Variants in MARCHF10 observed in about 807,000 individuals in gnomAD.
The protein encoded by MARCHF10 is probable E3 ubiquitin-protein ligase MARCHF10.
MARCHF10 carries 64 observed loss-of-function variants against 76.2 expected under a neutral mutation model. The ratio of observed to expected loss-of-function variants is 0.84; its 90% confidence interval spans 0.69 to 1.03. The LOEUF is 1.03. Among genes scored for constraint, MARCHF10 ranks in the 50% least tolerant of loss-of-function variants. The pLI, the probability that MARCHF10 is intolerant of heterozygous loss-of-function variation, is 0.00. For missense variants in MARCHF10, 875 were observed against 958.0 expected (o/e 0.91, Z 1.14); for synonymous variants, 340 against 357.5 (o/e 0.95, Z 0.55).
chr17:62,760,170 G>A (rs942653039), intron 3 of MARCHF10, among the ~76,000 whole-genome samples, 164 bp from the exon 4 acceptor site: 2 of 152,106 alleles, frequency 1.3e-5, no homozygotes, highest in African/African-American at 4.8e-5. Flanking sequence ...AGATGGACTG[G>A]GCAGAGCAAC....
rs754019323 is a variant in MARCHF10, at chr17:62,744,495, C to T, written c.416G>A (p.Arg139Lys). Residue 139 changes from arginine to lysine, a missense_variant, in exon 5 of 11, where the codon AGG becomes AAG. Coordinates refer to ENST00000311269, the MANE Select transcript of MARCHF10 (RefSeq NM_152598.4). Reference sequence around the variant, plus strand: ...TGTAAATCTCCTCAGGTTTGGCTTCCTCTTTCTTAATAAAACCATTGGTGC... The same window carrying T: ...TGTAAATCTCCTCAGGTTTGGCTTCTTCTTTCTTAATAAAACCATTGGTGC... ...DQAPMVLLRK[R>K]KPNLRRFTVS... The T allele has an allele frequency of 1.9e-6, 3 of 1,614,052 alleles. No homozygotes were observed. The highest frequency in any genetic ancestry group is 4.5e-5 in the East Asian group (2 of 44,894).
chr17:62,787,839 C>T (rs563508431), intron 3 of MARCHF10, among the ~76,000 whole-genome samples: 53 of 152,106 alleles, frequency 3.5e-4, no homozygotes, highest in South Asian at 2.1e-4. Flanking sequence ...TAAAGTGCTT[C>T]GTATAGTGCC....
At chr17:62,705,405 A>G in intron 10 of MARCHF10, 134 bp downstream of exon 10, 4 of 1,559,654 alleles carry the variant, frequency 2.6e-6, no homozygotes, top group Non-Finnish European at 3.5e-6. Context: ...GACTTTCCCA[A>G]GCTTTGCGGG....
Position 62,762,712 on chromosome 17 carries a change from A to C in MARCHF10, c.211-2706T>G, listed in dbSNP as rs185090795. ...CAGGCACACGCACCATGCCTGGCTA[A>C]TTTTCTGTATTTTAGTAGAGATGGG... is the stretch of plus-strand genomic sequence containing the variant. On this transcript the variant is annotated intron_variant, in intron 3 of 10. Transcript: ENST00000311269. Among the ~76,000 whole-genome samples the C allele has an allele frequency of 1.8e-3, 279 of 152,158 alleles. 2 individuals carry two copies. Among genetic ancestry groups the C allele is most frequent in the Non-Finnish European group, 3.2e-3 (218 of 67,992 alleles).
chr17:62,793,451 TCAC>T (rs1198602460), intron 2 of MARCHF10, among the ~76,000 whole-genome samples: 2 of 47,624 alleles, frequency 4.2e-5, no homozygotes, highest in East Asian at 9.3e-4. Context: ...ATCACCACCA[TCAC>T]CACCACCATC....
intron 3 of MARCHF10, among the ~76,000 whole-genome samples, chr17:62,768,588 T>C (rs2092384299): frequency 6.6e-6 from 1 of 152,234 alleles, no homozygotes; most frequent in Admixed American, 6.5e-5. Flanking sequence ...TTTCTAGAAC[T>C]GTTTTCAACT....
At chr17:62,751,845 A>G (rs1239519296) in intron 4 of MARCHF10, among the ~76,000 whole-genome samples, 1 of 152,088 alleles carries the variant, frequency 6.6e-6, no homozygotes, top group East Asian at 1.9e-4. Flanking sequence ...ACAGGGAGAA[A>G]CCCCATCTCT....
intron 3 of MARCHF10, among the ~76,000 whole-genome samples, chr17:62,775,656 T>A (rs1166521676): frequency 2.0e-5 from 3 of 151,932 alleles, no homozygotes; most frequent in African/African-American, 7.2e-5. Context: ...GTATTATAAT[T>A]TCTGAATGAA....
At chr17:62,780,541 G>T (rs1304234437) in intron 3 of MARCHF10, among the ~76,000 whole-genome samples, 3 of 152,272 alleles carry the variant, frequency 2.0e-5, no homozygotes, top group Non-Finnish European at 4.4e-5. Context: ...TCGGTATCAG[G>T]TTCACTGCCT....
chr17:62,781,015 GT>G (rs2092649226), intron 3 of MARCHF10: 1 of 152,130 alleles, frequency 6.6e-6, no homozygotes, highest in African/African-American at 2.4e-5. Flanking sequence ...AAGGAGGGGC[GT>G]TGCTTTCTCC....
intron 3 of MARCHF10, among the ~76,000 whole-genome samples, chr17:62,771,820 G>A (rs1217266987): frequency 3.3e-5 from 5 of 151,934 alleles, no homozygotes; most frequent in Non-Finnish European, 5.9e-5. Flanking sequence ...CAACTGATCT[G>A]CCAGCCTCGG....
At chr17:62,705,206 AC>A (rs1250640515) in intron 10 of MARCHF10, 71 of 1,251,838 alleles carry the variant, frequency 5.7e-5, no homozygotes, top group Non-Finnish European at 6.6e-5. Context: ...AAAAAAACCA[AC>A]CCCCAAACTC....
chr17:62,738,099 C>CACACACACACACACA lies in MARCHF10; in HGVS notation c.536-768_536-767insTGTGTGTGTGTGTGT. ...ACACACACACACACACACACACACA[C>CACACACACACACACA]AACTTAAGCCTCACAACCCTGTGAA... is the stretch of plus-strand genomic sequence containing the variant. On this transcript the variant is annotated intron_variant, in intron 5 of 10. Transcript: ENST00000311269. The surrounding 1 kb of genome is among the most constrained non-coding windows in gnomAD (Gnocchi z 4.0). 6.6e-6 allele frequency among the ~76,000 whole-genome samples: 1 copy of CACACACACACACACA among 151,258 alleles called. No homozygotes were observed. Among genetic ancestry groups the CACACACACACACACA allele is most frequent in the African/African-American group, 2.4e-5 (1 of 41,226 alleles).
intron 3 of MARCHF10, among the ~76,000 whole-genome samples, chr17:62,771,478 C>A (rs1171159110): frequency 6.6e-6 from 1 of 151,846 alleles, no homozygotes; most frequent in Non-Finnish European, 1.5e-5. Flanking sequence ...CTCGCAGGGC[C>A]TCGTTGGTTA....
At chr17:62,745,768 T>C (rs73335755) in intron 4 of MARCHF10, among the ~76,000 whole-genome samples, 1,970 of 152,302 alleles carry the variant, frequency 0.013, 49 homozygotes, top group African/African-American at 0.044. Context: ...TGCTAATTGA[T>C]ACAGTTTTGA....
intron 3 of MARCHF10, among the ~76,000 whole-genome samples, chr17:62,786,547 G>A (rs1306906821): frequency 6.6e-6 from 1 of 152,062 alleles, no homozygotes; most frequent in East Asian, 1.9e-4. Context: ...AAAATGTTGT[G>A]TTGAGTGGGG....
At chr17:62,719,454 G>A (rs79436705) in intron 8 of MARCHF10, among the ~76,000 whole-genome samples, 2,692 of 152,052 alleles carry the variant, frequency 0.018, 84 homozygotes, top group African/African-American at 0.062. Flanking sequence ...TAAATATTTT[G>A]TTTCTCTGTC....
chr17:62,713,110 C>T (rs181441703), intron 8 of MARCHF10, among the ~76,000 whole-genome samples: 5 of 152,276 alleles, frequency 3.3e-5, no homozygotes, highest in East Asian at 1.9e-4. Context: ...CCGACTGTCT[C>T]GCCAACCACC....
At chr17:62,792,715 T>TCACCACCACCACCACCAC (rs1221657949) in intron 2 of MARCHF10, among the ~76,000 whole-genome samples, 5 of 59,450 alleles carry the variant, frequency 8.4e-5, no homozygotes, top group Non-Finnish European at 1.4e-4. Context: ...ACTACAACCA[T>TCACCACCACCACCACCAC]CACCACCACC....
Sources: allele counts gnomAD v4.1 joint callset (sites outside exome capture counted in the v4.1 genomes callset), GRCh38; gene constraint gnomAD v4.1.1; non-coding constraint Gnocchi (gnomAD v3.1); transcripts MANE v1.5; gene names NCBI Gene and HGNC (gene_info 2026-07-23, HGNC 2026-07-21).